CNTN4: variants seen among roughly 807,000 people sequenced by gnomAD.
CNTN4 encodes contactin-4.
In CNTN4, 77 loss-of-function variants were observed where a neutral mutation model predicts 122.5. The observed-to-expected ratio is 0.63, with a 90% CI of 0.52 to 0.76. CNTN4 has a LOEUF of 0.76. Among genes scored for constraint, CNTN4 ranks in the 30% least tolerant of loss-of-function variants. The probability of loss-of-function intolerance (pLI) is 0.00; values close to 1 mark genes in which losing one functional copy is unlikely to be tolerated. For missense variants in CNTN4, 1,256 were observed against 1,259.1 expected (o/e 1.00, Z 0.04); for synonymous variants, 512 against 447.0 (o/e 1.15, Z -1.83).
At chr3:2,548,608 T>C (rs1183218676) in intron 3 of CNTN4, among the ~76,000 whole-genome samples, 3 of 152,166 alleles carry the variant, frequency 2.0e-5, no homozygotes, top group Non-Finnish European at 2.9e-5. Context: ...TCAGGTAGCA[T>C]GATACCTCCA....
At chr3:2,912,642 T>C (rs370508423) in intron 12 of CNTN4, among the ~76,000 whole-genome samples, 1 of 152,200 alleles carries the variant, frequency 6.6e-6, no homozygotes, top group Admixed American at 6.5e-5. Flanking sequence ...CTGTACAGTA[T>C]AAAAGGAGGT....
chr3:2,169,486 A>T (rs1278052314), intron 2 of CNTN4, among the ~76,000 whole-genome samples: 1 of 151,888 alleles, frequency 6.6e-6, no homozygotes, highest in Non-Finnish European at 1.5e-5. Flanking sequence ...GGCTCACTGC[A>T]AGCTCCGCCT....
At chr3:2,753,701 T>C (rs562766763) in intron 6 of CNTN4, among the ~76,000 whole-genome samples, 1 of 152,346 alleles carries the variant, frequency 6.6e-6, no homozygotes, top group African/African-American at 2.4e-5. Flanking sequence ...GTTGGTGAAA[T>C]GTTTCCTTTG....
chr3:2,658,039 A>G (rs1315175576), intron 4 of CNTN4, among the ~76,000 whole-genome samples: 3 of 147,308 alleles, frequency 2.0e-5, no homozygotes, highest in Non-Finnish European at 3.0e-5. Flanking sequence ...TATGAATGAC[A>G]TACTAGATAC....
chr3:2,918,503 C>A (rs1022745306), intron 12 of CNTN4, among the ~76,000 whole-genome samples: 3 of 152,186 alleles, frequency 2.0e-5, no homozygotes, highest in African/African-American at 7.2e-5. Context: ...AGGCGGTTAG[C>A]TGCTAGAGCT....
Position 2,275,468 on chromosome 3 carries a change from A to T in CNTN4, c.-144-63710A>T, listed in dbSNP as rs192672172. Among the ~76,000 whole-genome samples the T allele has an allele frequency of 4.6e-5, 7 of 152,132 alleles. No individual in the cohort carries two copies. In the East Asian group the frequency reaches 1.4e-3, roughly 29 times the overall value. ...AGTATTCTACACTTTCTATTCTCTG[A>T]CTCTTAGGAATCACTACTCCTTCTG... On this transcript the variant is annotated intron_variant, in intron 2 of 24. Transcript: ENST00000418658.
intron 10 of CNTN4, 75 bp from the exon 11 acceptor site, chr3:2,900,610 T>G: frequency 6.6e-7 from 1 of 1,515,716 alleles, no homozygotes; most frequent in East Asian, 2.3e-5. Context: ...ACTTTTGCCC[T>G]TTGATTGAAT....
At chr3:2,882,083 CCAGGAG>C (rs140479268) in intron 8 of CNTN4, among the ~76,000 whole-genome samples, 1,532 of 152,188 alleles carry the variant, frequency 0.01, 30 homozygotes, top group African/African-American at 0.035. Flanking sequence ...ATTGATAAGG[CCAGGAG>C]CAGTGACTCA....
intron 2 of CNTN4, among the ~76,000 whole-genome samples, chr3:2,235,053 T>A (rs1320268854): frequency 6.6e-6 from 1 of 152,226 alleles, no homozygotes; most frequent in Non-Finnish European, 1.5e-5. Context: ...ATAGATAACA[T>A]CTGCTGTCTC....
chr3:2,188,923 T>G (rs555297899), intron 2 of CNTN4, among the ~76,000 whole-genome samples: 1 of 152,254 alleles, frequency 6.6e-6, no homozygotes, highest in South Asian at 2.1e-4. Context: ...TTACTTACAC[T>G]GCAAATCATG....
At chr3:2,222,162 CTGA>C (rs1447086338) in intron 2 of CNTN4, among the ~76,000 whole-genome samples, 1 of 152,128 alleles carries the variant, frequency 6.6e-6, no homozygotes, top group East Asian at 1.9e-4. Flanking sequence ...TGTTCATTAA[CTGA>C]TAAGTTAGTA....
intron 2 of CNTN4, among the ~76,000 whole-genome samples, chr3:2,191,729 C>T (rs2320382): frequency 1.9e-3 from 284 of 151,466 alleles, no homozygotes; most frequent in Non-Finnish European, 3.1e-3. Flanking sequence ...CACACATACA[C>T]ACACATATAT....
chr3:2,785,038 T>G (rs2091755908), intron 6 of CNTN4, among the ~76,000 whole-genome samples: 1 of 152,072 alleles, frequency 6.6e-6, no homozygotes, highest in Admixed American at 6.6e-5. Flanking sequence ...GCAGTCTTAT[T>G]TATTCATTCT....
At position 2,817,235 on chromosome 3, in the gene CNTN4, T is replaced by C. The variant is rs190635226; in HGVS notation, c.359-2251T>C. 4.2e-4 allele frequency among the ~76,000 whole-genome samples: 64 copies of C among 152,334 alleles called. No individual in the cohort carries two copies. In the East Asian group the frequency reaches 0.01, roughly 24 times the overall value. ...GCATTCGCAATGGACAGAAGAAACATAATGACTACATACTTGAAACAAAGA... is the reference window on the plus strand; with the variant it reads ...GCATTCGCAATGGACAGAAGAAACACAATGACTACATACTTGAAACAAAGA... On this transcript the variant is annotated intron_variant, in intron 6 of 24. Transcript: ENST00000418658.
chr3:2,861,079 A>G (rs2093666581), intron 7 of CNTN4, among the ~76,000 whole-genome samples: 1 of 152,232 alleles, frequency 6.6e-6, no homozygotes, highest in Non-Finnish European at 1.5e-5. Flanking sequence ...AAGAATTTAC[A>G]TTAATATGTT....
chr3:2,722,490 G>A (rs2087925361), intron 4 of CNTN4, among the ~76,000 whole-genome samples: 1 of 152,224 alleles, frequency 6.6e-6, no homozygotes, highest in Admixed American at 6.5e-5. Flanking sequence ...GGCTAGAGGT[G>A]TATGGGAAGG....
chr3:2,170,634 A>G (rs2728524), intron 2 of CNTN4, among the ~76,000 whole-genome samples: 35,526 of 152,034 alleles, frequency 0.23, 4,334 homozygotes, highest in African/African-American at 0.31. Context: ...GGCAGAACTT[A>G]ATGAACCTAA....
chr3:2,570,968 C>G (rs1665956422), intron 3 of CNTN4, among the ~76,000 whole-genome samples: 1 of 152,170 alleles, frequency 6.6e-6, no homozygotes, highest in Non-Finnish European at 1.5e-5. Context: ...CATTTTCCCA[C>G]ACGATATAAC....
Position 2,783,225 on chromosome 3 carries a change from G to A in CNTN4, c.359-36261G>A, listed in dbSNP as rs143132971. Among the ~76,000 whole-genome samples, 91 of 152,158 alleles carry A rather than the reference G, an allele frequency of 6.0e-4. No homozygotes were observed. In the East Asian group the frequency reaches 6.4e-3, roughly 11 times the overall value. On this transcript the variant is annotated intron_variant, in intron 6 of 24. Transcript: ENST00000418658. ...GATCACTTGAGCCCAGCAGATGGAGGCTGCAGTGAGCCATACCATGTCACT... is the reference window on the plus strand; with the variant it reads ...GATCACTTGAGCCCAGCAGATGGAGACTGCAGTGAGCCATACCATGTCACT...
Sources: gnomAD v4.1 joint callset for allele counts (sites outside exome capture counted in the v4.1 genomes callset) on GRCh38, gnomAD v4.1.1 for gene constraint, MANE v1.5 for transcripts, NCBI Gene and HGNC (gene_info 2026-07-23, HGNC 2026-07-21) for gene names.